Variants in SYNJ1 observed in about 807,000 individuals in gnomAD.
The protein encoded by SYNJ1 is polyphosphatidylinositol phosphatase SYNJ1.
SYNJ1 carries 78 observed loss-of-function variants against 168.2 expected under a neutral mutation model. The observed-to-expected ratio is 0.46, with a 90% confidence interval of 0.39 to 0.56. The LOEUF (loss-of-function observed/expected upper bound fraction) is 0.56, where lower values mean the gene tolerates loss of function less well. SYNJ1 is among the 20% of genes least tolerant of loss of function. SYNJ1 has a pLI of 0.00. For synonymous variants in SYNJ1, 539 were observed against 548.6 expected, an observed-to-expected ratio of 0.98 and a Z score of 0.24; for missense variants, 1,303 against 1,597.6, an observed-to-expected ratio of 0.82 and a Z score of 3.14.
In SYNJ1 at chr21:32,639,115, G is replaced by C; in HGVS notation, c.3708C>G (p.Phe1236Leu). Residue 1236 changes from phenylalanine (F) to leucine (L), a missense_variant, in exon 31 of 33, where the codon TTC (phenylalanine) becomes TTG (leucine). By Grantham distance (22) the Phe-to-Leu change is conservative. Coordinates refer to ENST00000674351, the MANE Select transcript of SYNJ1 (RefSeq NM_203446.3). ...KTSETSKGST[F>L]LPEPLKPQAA... is the part of the protein sequence containing the mutation. ...CCTGAGGCTTCAGTGGTTCAGGAAG[G>C]AAAGTTGAACCTAAAAAACCAGTGG... The C allele has an allele frequency of 1.2e-6, 2 of 1,611,378 alleles. 1 individual carries two copies. The highest frequency in any genetic ancestry group is 2.2e-5 in the South Asian group (2 of 90,880).
intron 23 of SYNJ1, 112 bp downstream of exon 23, chr21:32,650,072 G>A: frequency 7.7e-7 from 1 of 1,294,800 alleles, no homozygotes. Flanking sequence ...AATTAATAGT[G>A]CTATGTACGT....
chr21:32,673,287 C>A, intron 14 of SYNJ1, 53 bp downstream of exon 14: 1 of 1,476,908 alleles, frequency 6.8e-7, no homozygotes. Flanking sequence ...TTTTCTAGAT[C>A]AATACAACAC....
intron 23 of SYNJ1, among the ~76,000 whole-genome samples, chr21:32,647,232 T>C (rs746404710): frequency 1.1e-4 from 17 of 152,226 alleles, no homozygotes; most frequent in Non-Finnish European, 2.2e-4. Flanking sequence ...TCTGAGGCTA[T>C]GCCATCAGGA....
At chr21:32,727,869 G>A in intron 1 of SYNJ1, 77 bp downstream of exon 1, 1 of 1,523,526 alleles carries the variant, frequency 6.6e-7, no homozygotes, top group Non-Finnish European at 8.8e-7. Flanking sequence ...GCAGAGACTG[G>A]TCTTGGAGGC....
Position 32,702,040 on chromosome 21 carries a change from T to C in SYNJ1, c.132A>G (p.Ala44=). 6.4e-7 allele frequency: 1 copy of C among 1,550,592 alleles called. No homozygotes were observed. The highest frequency in any genetic ancestry group is 1.3e-5 in the South Asian group (1 of 79,012). ...ATGTACCCTTGATTGCCTCTTTTTC[T>C]GCAGATGCTACAAAAAAAAGTTTTA... ...ESGAVAVLSS[A]EKEAIKGTYS... The change falls in exon 3 of 33, where the codon GCA becomes GCG. Residue 44 remains alanine, a synonymous_variant. Coordinates refer to ENST00000674351, the MANE Select transcript of SYNJ1 (RefSeq NM_203446.3).
intron 30 of SYNJ1, 111 bp from the exon 31 acceptor site, chr21:32,639,236 T>A: frequency 2.1e-6 from 2 of 974,736 alleles, no homozygotes; most frequent in Non-Finnish European, 3.0e-6. Context: ...CCCCAATAAG[T>A]AGCCTCATTT....
intron 2 of SYNJ1, among the ~76,000 whole-genome samples, chr21:32,703,736 T>C (rs188239200): frequency 1.5e-3 from 224 of 151,886 alleles, no homozygotes; most frequent in African/African-American, 4.8e-3. Flanking sequence ...TTTTTATTTT[T>C]ATTTTTTTTT....
chr21:32,637,112 G>T (rs1253451334), intron 31 of SYNJ1, among the ~76,000 whole-genome samples: 1 of 152,120 alleles, frequency 6.6e-6, no homozygotes, highest in Non-Finnish European at 1.5e-5. Flanking sequence ...GTTTTTCAGA[G>T]TACTTTATCT....
rs1391921521 is a variant in SYNJ1, at chr21:32,727,967, C to G, written c.-44G>C. On this transcript the variant is annotated 5_prime_UTR_variant, in exon 1 of 33. Transcript: ENST00000674351. ...TCACCTCTTCCTCCGGCTCCTCCTC[C>G]TCCTTCTCCCGCAGCCGCCGCCACA... is the stretch of plus-strand genomic sequence containing the variant. 1 of 1,534,608 alleles carries G rather than the reference C, an allele frequency of 6.5e-7. No homozygotes were observed. Among genetic ancestry groups the G allele is most frequent in the African/African-American group, 1.4e-5 (1 of 72,674 alleles).
At position 32,682,517 on chromosome 21, in the gene SYNJ1, G is replaced by A. The variant is rs192419490; in HGVS notation, c.1201-869C>T. On this transcript the variant is annotated intron_variant, in intron 10 of 32. Coordinates refer to ENST00000674351, the MANE Select transcript of SYNJ1 (RefSeq NM_203446.3). ...TAAACTGGGTTCATTTAATTACCTA[G>A]AGACTTACACCAGAGCTGTTCTTTG... 1.3e-3 allele frequency among the ~76,000 whole-genome samples: 193 copies of A among 152,214 alleles called. 1 individual carries two copies. The highest frequency in any genetic ancestry group is 4.4e-3 in the African/African-American group (184 of 41,548).
rs182047658 is a variant in SYNJ1 at position 32,674,551 on chromosome 21, C to T, written c.1535-1020G>A. ...CTAGTAACTAAAAGACTACCTGGTA[C>T]GCAGTAAGTGCTCAATAAATAATTG... On this transcript the variant is annotated intron_variant, in intron 13 of 32. Transcript: ENST00000674351. 3.1e-3 allele frequency among the ~76,000 whole-genome samples: 471 copies of T among 151,878 alleles called. 2 individuals are homozygous for T. The highest frequency in any genetic ancestry group is 5.8e-3 in the Non-Finnish European group (391 of 67,986).
At chr21:32,712,056 T>G (rs2042848780) in intron 2 of SYNJ1, among the ~76,000 whole-genome samples, 1 of 152,226 alleles carries the variant, frequency 6.6e-6, no homozygotes, top group Non-Finnish European at 1.5e-5. Flanking sequence ...GGGCCTACTA[T>G]CCAATGTCAA....
rs1569010799 is a variant in SYNJ1, at chr21:32,629,932, C to T, written c.*1873G>A. The T allele has an allele frequency of 6.6e-6, 1 of 152,474 alleles. No homozygotes were observed. Among genetic ancestry groups the T allele is most frequent in the African/African-American group, 2.4e-5 (1 of 41,462 alleles). The allele number at this position is 152,474 out of a possible 1,614,324, so 9.4% of individuals were successfully genotyped here. A position where few individuals can be genotyped will look rare whatever the true frequency, so the allele number is the denominator to read the frequency against. ...CTCGTAAGAGGGGGGAGAACACACA[C>T]TGGGTATATTCCCAATTCAAAGCAC... On this transcript the variant is annotated 3_prime_UTR_variant, in exon 33 of 33. Transcript: ENST00000674351.
Position 32,657,039 on chromosome 21 carries a change from T to C in SYNJ1, c.2543A>G (p.His848Arg). The C allele has an allele frequency of 1.2e-6, 2 of 1,614,214 alleles. No homozygotes were observed. Among genetic ancestry groups the C allele is most frequent in the Non-Finnish European group, 1.7e-6 (2 of 1,180,042 alleles). ...AGTCTTCAGCTCAGCTCTTCCATAG[T>C]GCAGCAAAGTGCCTGGAGTCCACGT... ...LYTWTPGTLL[H>R]YGRAELKTSD... The change falls in exon 20 of 33, where the codon CAC becomes CGC. Residue 848 changes from histidine to arginine, a missense_variant. By Grantham distance (29) the His-to-Arg change is conservative. This residue lies in a region of SYNJ1 where 920 missense variants were observed against 1,208.8 expected (regional missense o/e 0.76). Coordinates refer to ENST00000674351, the MANE Select transcript of SYNJ1 (RefSeq NM_203446.3).
At chr21:32,693,343 T>A (rs1450528756) in intron 6 of SYNJ1, among the ~76,000 whole-genome samples, 1 of 152,186 alleles carries the variant, frequency 6.6e-6, no homozygotes, top group Non-Finnish European at 1.5e-5. Context: ...ACAAGTCAAA[T>A]CGTCTTGACA....
intron 18 of SYNJ1, among the ~76,000 whole-genome samples, chr21:32,662,069 G>A (rs984653691): frequency 1.3e-5 from 2 of 152,094 alleles, no homozygotes; most frequent in African/African-American, 4.8e-5. Context: ...AAAGGAGAAG[G>A]AATCCCAGCC....
chr21:32,718,847 A>T (rs1385975274), intron 2 of SYNJ1, among the ~76,000 whole-genome samples: 2 of 152,158 alleles, frequency 1.3e-5, no homozygotes, highest in African/African-American at 4.8e-5. Flanking sequence ...GGAAAAACAC[A>T]AGTGTACAGT....
intron 12 of SYNJ1, among the ~76,000 whole-genome samples, chr21:32,676,739 AC>A (rs980229423): frequency 9.2e-5 from 14 of 152,156 alleles, no homozygotes; most frequent in Non-Finnish European, 1.9e-4. Context: ...GCCCTAATAC[AC>A]ACCTTTTAGT....
At chr21:32,710,497 G>C (rs1209544281) in intron 2 of SYNJ1, among the ~76,000 whole-genome samples, 1 of 151,980 alleles carries the variant, frequency 6.6e-6, no homozygotes, top group Non-Finnish European at 1.5e-5. Context: ...GACCAGGAGT[G>C]CATTAGCCAA....
Sources: gnomAD v4.1 joint callset for allele counts (sites outside exome capture counted in the v4.1 genomes callset) on GRCh38, gnomAD v4.1.1 for gene constraint, gnomAD v4.1.1 regional missense constraint, MANE v1.5 for transcripts, NCBI Gene and HGNC (gene_info 2026-07-23, HGNC 2026-07-21) for gene names.